Variants in ZNF217 observed in about 807,000 individuals in gnomAD.
ZNF217 encodes zinc finger protein 217.
Under a neutral mutation model 73.3 loss-of-function variants are expected in ZNF217, and 12 were observed. The ratio of observed to expected loss-of-function variants is 0.16; its 90% CI spans 0.10 to 0.27. The LOEUF is 0.27. ZNF217 is among the 10% of genes least tolerant of loss of function. The pLI is 1.00. For synonymous variants in ZNF217, 588 were observed against 516.4 expected (o/e 1.14, Z -1.88); for missense variants, 1,195 against 1,327.8 (o/e 0.90, Z 1.55).
intron 1 of ZNF217, among the ~76,000 whole-genome samples, chr20:53,585,439 A>C (rs1238802991): frequency 2.6e-5 from 4 of 152,170 alleles, no homozygotes; most frequent in Admixed American, 6.5e-5. Context: ...ACACACCTGT[A>C]ATCCCAGCTA....
Position 53,568,982 on chromosome 20 carries a change from A to T in ZNF217, c.*306T>A. The T allele has an allele frequency of 2.1e-6, 1 of 477,708 alleles. No homozygotes were observed. Among genetic ancestry groups the T allele is most frequent in the Non-Finnish European group, 2.7e-6 (1 of 373,504 alleles). 29.6% of individuals were successfully genotyped at this position (477,708 alleles called of 1,614,324 possible). A position where few individuals can be genotyped will look rare whatever the true frequency, so the allele number is the denominator to read the frequency against. ...CAGCGCTCAAGTATGCAAAAATTCC[A>T]CTTCTTATTTGGTCAATTCTAAGAA... On this transcript the variant is annotated 3_prime_UTR_variant, in exon 6 of 6. Transcript: ENST00000371471.
At chr20:53,595,623 G>A (rs1380863187), upstream of ZNF217, among the ~76,000 whole-genome samples, 1 of 152,254 alleles carries the variant, frequency 6.6e-6, no homozygotes, top group Admixed American at 6.5e-5. Context: ...TTAATTAGCA[G>A]TGCCAGTAGA....
In ZNF217 at chr20:53,567,072, TGCAAA is replaced by T. The variant is rs369079322; in HGVS notation, c.*2211_*2215del. 4.3e-3 allele frequency: 655 copies of T among 152,378 alleles called. 4 individuals carry two copies. The highest frequency in any genetic ancestry group is 0.031 in the Middle Eastern group (9 of 290). 9.4% of individuals were successfully genotyped at this position (152,378 alleles called of 1,614,324 possible). A position where few individuals can be genotyped will look rare whatever the true frequency, so the allele number is the denominator to read the frequency against. Reference sequence around the variant, plus strand: ...CACAATAAACACTAAAACTCAAGATTGCAAAACACCAAATCTATATTTACACTTCC... The same window carrying T: ...CACAATAAACACTAAAACTCAAGATTACACCAAATCTATATTTACACTTCC... On this transcript the variant is annotated 3_prime_UTR_variant, in exon 6 of 6. Coordinates refer to ENST00000371471, the MANE Select transcript of ZNF217 (RefSeq NM_006526.3).
In ZNF217 at chr20:53,582,893, C is replaced by T; in HGVS notation, c.-67G>A. ...AAGGCCACTTGTAAGACTTGTCACT[C>T]ACCCCTCTAACAGCCCTGGGTTCCA... On this transcript the variant is annotated 5_prime_UTR_variant, in exon 2 of 6. Coordinates refer to ENST00000371471, the MANE Select transcript of ZNF217 (RefSeq NM_006526.3). This position sits in a 1 kb window ranked among gnomAD's most constrained non-coding sequence, Gnocchi z 4.8. 1 of 1,505,654 alleles carries T rather than the reference C, an allele frequency of 6.6e-7. No homozygotes were observed. The highest frequency in any genetic ancestry group is 8.9e-7 in the Non-Finnish European group (1 of 1,118,438). The allele number at this position is 1,505,654 out of a possible 1,614,324, so 93.3% of individuals were successfully genotyped here. A position where few individuals can be genotyped will look rare whatever the true frequency, so the allele number is the denominator to read the frequency against.
rs1474822467 is a variant in ZNF217, at chr20:53,576,990, G to A, written c.1774C>T (p.Leu592Phe). The change falls in exon 4 of 6, where the codon CTC (leucine) becomes TTC (phenylalanine). Residue 592 changes from leucine to phenylalanine, a missense_variant. Around this residue, in one of 9 missense-constraint regions of ZNF217, gnomAD observed 649 missense variants for 642.8 expected, o/e 1.01. Coordinates refer to ENST00000371471, the MANE Select transcript of ZNF217 (RefSeq NM_006526.3). The stretch of plus-strand genomic sequence containing the variant: ...TGAGTATCTTTGTGTGCTGGTGAGA[G>A]GACAGCGCTGCCCAGAACATTCTGA... ...VFQNVLGSAVLSPAHKDTQDF... is the reference protein window; with the variant it reads ...VFQNVLGSAVFSPAHKDTQDF... 3 of 1,614,186 alleles carry A rather than the reference G, an allele frequency of 1.9e-6. No homozygotes were observed. The highest frequency in any genetic ancestry group is 2.5e-6 in the Non-Finnish European group (3 of 1,180,038).
At chr20:53,595,932 T>G (rs891523570), upstream of ZNF217, among the ~76,000 whole-genome samples, 21 of 152,356 alleles carry the variant, frequency 1.4e-4, no homozygotes, top group African/African-American at 4.1e-4. Context: ...TACATGTTAA[T>G]GGATAACCTT....
At chr20:53,580,675 G>C (rs1233853795) in intron 2 of ZNF217, among the ~76,000 whole-genome samples, 1 of 152,174 alleles carries the variant, frequency 6.6e-6, no homozygotes, top group Non-Finnish European at 1.5e-5. Context: ...CTGAGCAAAT[G>C]AGCCTTCTTA....
intron 1 of ZNF217, among the ~76,000 whole-genome samples, chr20:53,593,136 G>A (rs1176532218): frequency 9.2e-5 from 14 of 151,648 alleles, no homozygotes; most frequent in Non-Finnish European, 2.1e-4. Context: ...AGATTTTTGG[G>A]CACCCGAGGG....
chr20:53,577,872 G>A (rs1163425023), intron 3 of ZNF217, among the ~76,000 whole-genome samples: 1 of 152,228 alleles, frequency 6.6e-6, no homozygotes, highest in Non-Finnish European at 1.5e-5. Context: ...AACACTATGG[G>A]AGGCCAAGGT....
In ZNF217 at chr20:53,576,576, T is replaced by G. The variant is rs1346837225; in HGVS notation, c.2188A>C (p.Arg730=). 1.2e-6 allele frequency: 2 copies of G among 1,614,090 alleles called. No homozygotes were observed. Among genetic ancestry groups the G allele is most frequent in the Non-Finnish European group, 1.7e-6 (2 of 1,180,014 alleles). Residue 730 remains arginine (R), a synonymous_variant, in exon 4 of 6, where the codon AGA becomes CGA. Coordinates refer to ENST00000371471, the MANE Select transcript of ZNF217 (RefSeq NM_006526.3). ...TCAGGATTGTATTTATGCTCCAGTC[T>G]CTGGTGCATCATTAAAACTTCTGGA... ...FYPEVLMMHQ[R]LEHKYNPDVH...
chr20:53,589,741 C>T (rs1216855990), intron 1 of ZNF217, among the ~76,000 whole-genome samples: 4 of 152,186 alleles, frequency 2.6e-5, no homozygotes, highest in African/African-American at 9.6e-5. Context: ...ACTCCAAAAA[C>T]ATGAGCATTT....
chr20:53,578,503 T>C lies in ZNF217; in HGVS notation c.1367-53A>G, dbSNP rs575920700. 109 of 1,125,322 alleles carry C rather than the reference T, an allele frequency of 9.7e-5. 1 individual carries two copies. The African/African-American group carries it at 1.5e-3, about 16-fold the overall frequency. The allele number at this position is 1,125,322 out of a possible 1,614,324, so 69.7% of individuals were successfully genotyped here. On this transcript the variant is annotated intron_variant, in intron 2 of 5. Transcript: ENST00000371471. ...TAAGAAGGTAGCTGAAGTACCTGAA[T>C]AAGGCATGCTGACTTAAATATTCTT...
intron 5 of ZNF217, among the ~76,000 whole-genome samples, chr20:53,571,073 G>C (rs8184575): frequency 0.33 from 49,433 of 152,076 alleles, 9,245 homozygotes; most frequent in East Asian, 0.46. Context: ...ATATGTAACA[G>C]ATGGGCATGA....
intron 1 of ZNF217, among the ~76,000 whole-genome samples, chr20:53,588,315 G>A (rs1420665174): frequency 4.6e-5 from 7 of 151,956 alleles, no homozygotes; most frequent in Middle Eastern, 3.4e-3. Flanking sequence ...CATCTGCAAA[G>A]TGGTTTTTAA....
At position 53,583,193 on chromosome 20, in the gene ZNF217, T is replaced by C. The variant is rs116233262; in HGVS notation, c.-342-25A>G. 5.8e-3 allele frequency: 2,372 copies of C among 409,478 alleles called. 33 individuals are homozygous for C. The highest frequency in any genetic ancestry group is 0.04 in the African/African-American group (1,971 of 48,758). 25.4% of individuals were successfully genotyped at this position (409,478 alleles called of 1,614,324 possible). ...CCTAGAGGAAAAAAAACAGAAACGG[T>C]TAGCTACACTCAGAGCGAAGAGAAG... On this transcript the variant is annotated intron_variant, in intron 1 of 5. Coordinates refer to ENST00000371471, the MANE Select transcript of ZNF217 (RefSeq NM_006526.3).
At chr20:53,577,339 A>C in intron 3 of ZNF217, 59 bp from the exon 4 acceptor site, 2 of 1,400,948 alleles carry the variant, frequency 1.4e-6, no homozygotes, top group Non-Finnish European at 1.9e-6. Context: ...AAATAGATCA[A>C]ATATCTATTT....
rs751859294 is a variant in ZNF217, at chr20:53,581,383, G to C, written c.1366+78C>G. On this transcript the variant is annotated intron_variant, in intron 2 of 5. Transcript: ENST00000371471. The surrounding 1 kb of genome is among the most constrained non-coding windows in gnomAD (Gnocchi z 4.9). Reference sequence around the variant, plus strand: ...CCATTCCTGGCCAGCGTTGTCTGGAGATGGGAATAGAGAGGGGGAGACGGG... The same window carrying C: ...CCATTCCTGGCCAGCGTTGTCTGGACATGGGAATAGAGAGGGGGAGACGGG... The C allele has an allele frequency of 8.6e-6, 13 of 1,510,192 alleles. No individual in the cohort carries two copies. Among genetic ancestry groups the C allele is most frequent in the Non-Finnish European group, 1.1e-5 (12 of 1,133,962 alleles). 93.5% of individuals were successfully genotyped at this position (1,510,192 alleles called of 1,614,324 possible).
chr20:53,591,612 A>T (rs1988881307), intron 1 of ZNF217, among the ~76,000 whole-genome samples: 1 of 152,240 alleles, frequency 6.6e-6, no homozygotes, highest in Admixed American at 6.5e-5. Flanking sequence ...CCCTGAACAA[A>T]ACAATATCTA....
At chr20:53,586,019 C>T (rs1568690389) in intron 1 of ZNF217, among the ~76,000 whole-genome samples, 1 of 152,180 alleles carries the variant, frequency 6.6e-6, no homozygotes, top group Non-Finnish European at 1.5e-5. Context: ...CTACCCAGCA[C>T]ACCCTACCCC....
Sources: allele counts gnomAD v4.1 joint callset (sites outside exome capture counted in the v4.1 genomes callset), GRCh38; gene constraint gnomAD v4.1.1; regional missense constraint gnomAD v4.1.1; non-coding constraint Gnocchi (gnomAD v3.1); transcripts MANE v1.5; gene names NCBI Gene and HGNC (gene_info 2026-07-23, HGNC 2026-07-21).